SLC30A8: variants seen among roughly 807,000 people sequenced by gnomAD.
SLC30A8 encodes solute carrier family 30 member 8.
In SLC30A8, 27 loss-of-function variants were observed where a neutral mutation model predicts 36.9. The ratio of observed to expected loss-of-function variants is 0.73; its 90% confidence interval spans 0.54 to 1.01. The LOEUF is 1.01. Ranked by LOEUF, SLC30A8 falls within the 50% of genes least tolerant of loss-of-function variation. The pLI is 0.00. For missense variants in SLC30A8, 439 were observed against 452.0 expected, an observed-to-expected ratio of 0.97 and a Z score of 0.26; for synonymous variants, 164 against 172.4, an observed-to-expected ratio of 0.95 and a Z score of 0.38.
intron 2 of SLC30A8, among the ~76,000 whole-genome samples, chr8:117,127,750 T>G (rs768278441): frequency 2.0e-4 from 31 of 151,988 alleles, no homozygotes; most frequent in Non-Finnish European, 2.6e-4. Flanking sequence ...GGGGCTAAGA[T>G]AGGTGTTTCT....
intron 2 of SLC30A8, among the ~76,000 whole-genome samples, chr8:117,073,660 T>C (rs1014411711): frequency 3.9e-5 from 6 of 152,164 alleles, no homozygotes; most frequent in African/African-American, 1.4e-4. Context: ...TCTCATTCAG[T>C]ACCATTTTCA....
intron 1 of SLC30A8, among the ~76,000 whole-genome samples, chr8:116,998,595 A>G (rs1815898849): frequency 6.6e-6 from 1 of 152,166 alleles, no homozygotes; most frequent in Admixed American, 6.5e-5. Flanking sequence ...TTATATGGGA[A>G]TAAGGTCTTT....
chr8:116,952,234 C>T (rs1477200194), intron 1 of SLC30A8, among the ~76,000 whole-genome samples: 1 of 152,156 alleles, frequency 6.6e-6, no homozygotes, highest in Non-Finnish European at 1.5e-5. Context: ...CAGAGGTGGA[C>T]ATATCATGAC....
intron 6 of SLC30A8, among the ~76,000 whole-genome samples, chr8:117,169,187 G>A (rs895711951): frequency 6.6e-6 from 1 of 152,020 alleles, no homozygotes; most frequent in East Asian, 1.9e-4. Context: ...CCAGCTCTTT[G>A]TTACTTCCCC....
intron 2 of SLC30A8, among the ~76,000 whole-genome samples, chr8:117,129,302 A>G (rs1821039398): frequency 6.6e-6 from 1 of 152,070 alleles, no homozygotes; most frequent in African/African-American, 2.4e-5. Flanking sequence ...GTTTATTAAA[A>G]AATTAGGAGA....
At chr8:117,015,290 C>A (rs1024367988) in intron 1 of SLC30A8, among the ~76,000 whole-genome samples, 1 of 152,080 alleles carries the variant, frequency 6.6e-6, no homozygotes, top group African/African-American at 2.4e-5. Context: ...TGCCAGTCAC[C>A]TTACAATGAA....
At chr8:116,958,308 TA>T (rs1185719524) in intron 1 of SLC30A8, among the ~76,000 whole-genome samples, 4 of 149,248 alleles carry the variant, frequency 2.7e-5, no homozygotes, top group Non-Finnish European at 5.9e-5. Context: ...CATCTGGTAT[TA>T]TTTTTTTAAT....
intron 1 of SLC30A8, among the ~76,000 whole-genome samples, chr8:117,136,088 A>G (rs1157846260): frequency 6.6e-6 from 1 of 152,020 alleles, no homozygotes; most frequent in Non-Finnish European, 1.5e-5. Flanking sequence ...GGCAATTACA[A>G]AACAGTGTAT....
intron 1 of SLC30A8, among the ~76,000 whole-genome samples, chr8:117,011,350 T>C (rs1816338793): frequency 6.6e-6 from 1 of 152,238 alleles, no homozygotes; most frequent in South Asian, 2.1e-4. Context: ...GGTTGTGTCC[T>C]CTTTGCCTGA....
intron 1 of SLC30A8, among the ~76,000 whole-genome samples, chr8:117,010,730 C>T (rs139847645): frequency 1.0e-3 from 152 of 152,294 alleles, no homozygotes; most frequent in Non-Finnish European, 1.4e-3. Flanking sequence ...AGCATAATGG[C>T]TTCTGCTTCT....
chr8:117,066,833 T>A (rs1346505871), intron 2 of SLC30A8, among the ~76,000 whole-genome samples: 1 of 152,050 alleles, frequency 6.6e-6, no homozygotes, highest in South Asian at 2.1e-4. Context: ...AAGACAAAAC[T>A]GAGAAATAAA....
At chr8:117,142,032 C>G (rs1821675616) in intron 1 of SLC30A8, among the ~76,000 whole-genome samples, 1 of 152,040 alleles carries the variant, frequency 6.6e-6, no homozygotes, top group Admixed American at 6.5e-5. Context: ...GGTGGGAGTT[C>G]AACTGAGGTG....
intron 2 of SLC30A8, among the ~76,000 whole-genome samples, chr8:117,070,667 A>G (rs924188250): frequency 6.6e-6 from 1 of 152,156 alleles, no homozygotes; most frequent in African/African-American, 2.4e-5. Context: ...CCTGTTGTGC[A>G]ATATATCTCA....
chr8:117,041,985 TA>T (rs1817402817), intron 2 of SLC30A8, among the ~76,000 whole-genome samples: 1 of 152,346 alleles, frequency 6.6e-6, no homozygotes, highest in Non-Finnish European at 1.5e-5. Context: ...GAGGGATGCC[TA>T]AACTAATTCC....
At chr8:117,031,427 A>G (rs1563755996) in intron 1 of SLC30A8, among the ~76,000 whole-genome samples, 1 of 151,548 alleles carries the variant, frequency 6.6e-6, no homozygotes, top group Non-Finnish European at 1.5e-5. Context: ...AAAGTCTTGA[A>G]TTCTTCTTCT....
chr8:117,097,633 TA>T (rs1819466685), intron 2 of SLC30A8, among the ~76,000 whole-genome samples: 1 of 92,690 alleles, frequency 1.1e-5, no homozygotes, highest in Non-Finnish European at 1.8e-5. Flanking sequence ...ATATTATATA[TA>T]ATATATAATT....
intron 2 of SLC30A8, among the ~76,000 whole-genome samples, chr8:117,080,216 AAGT>A (rs1011789066): frequency 6.6e-6 from 1 of 152,194 alleles, no homozygotes; most frequent in African/African-American, 2.4e-5. Context: ...ATTATAGAAA[AAGT>A]AGAGCATACA....
intron 2 of SLC30A8, among the ~76,000 whole-genome samples, chr8:117,044,908 T>A (rs1040794110): frequency 2.6e-5 from 4 of 152,212 alleles, no homozygotes; most frequent in Non-Finnish European, 5.9e-5. Context: ...AGGCGCCTTC[T>A]GCCTCAGAAC....
At chr8:117,148,822 G>A (rs559986738) in intron 2 of SLC30A8, among the ~76,000 whole-genome samples, 17 of 152,108 alleles carry the variant, frequency 1.1e-4, no homozygotes, top group African/African-American at 2.4e-4. Flanking sequence ...GCAGTCCACC[G>A]TTTTTCATGT....
Sources: allele counts gnomAD v4.1 joint callset (sites outside exome capture counted in the v4.1 genomes callset), GRCh38; gene constraint gnomAD v4.1.1; transcripts MANE v1.5; gene names NCBI Gene and HGNC (gene_info 2026-07-23, HGNC 2026-07-21).